The following GRID2 variants were observed in gnomAD, a reference collection of about 807,000 sequenced individuals.
The protein encoded by GRID2 is glutamate ionotropic receptor delta type subunit 2, also known as glutamate receptor ionotropic, delta-2.
GRID2 carries 33 observed loss-of-function variants against 114.8 expected under a neutral mutation model. That is an observed-to-expected ratio of 0.29 (90% confidence interval 0.22 to 0.38). The LOEUF is 0.38. Ranked by LOEUF, GRID2 falls within the 10% of genes least tolerant of loss-of-function variation. GRID2 has a pLI of 1.00. For missense variants in GRID2, 1,184 were observed against 1,257.7 expected (o/e 0.94, Z 0.89); for synonymous variants, 505 against 449.9 (o/e 1.12, Z -1.55).
chr4:92,764,135 T>C (rs1738150249), intron 2 of GRID2, among the ~76,000 whole-genome samples: 1 of 152,172 alleles, frequency 6.6e-6, no homozygotes, highest in Admixed American at 6.5e-5. Flanking sequence ...ACCTTTTCTT[T>C]GAAGACTTTC....
chr4:93,502,810 T>C lies in GRID2; in HGVS notation c.1997+12033T>C, dbSNP rs1401214479. On this transcript the variant is annotated intron_variant, in intron 12 of 15. Transcript: ENST00000282020. Reference sequence around the variant, plus strand: ...GATGCTAAAGAGGGATGATGCTAAATAAGAGCCAGATACCCCAGCTAATAG... The same window carrying C: ...GATGCTAAAGAGGGATGATGCTAAACAAGAGCCAGATACCCCAGCTAATAG... Among the ~76,000 whole-genome samples the C allele has an allele frequency of 2.0e-5, 3 of 149,248 alleles. No individual in the cohort carries two copies. In the East Asian group the frequency reaches 6.2e-4, roughly 31 times the overall value.
At chr4:93,111,743 G>A (rs372173253) in intron 4 of GRID2, among the ~76,000 whole-genome samples, 14 of 111,566 alleles carry the variant, frequency 1.3e-4, no homozygotes, top group African/African-American at 4.3e-4. Context: ...GAATTTATTT[G>A]TTTAATACTT....
At chr4:92,650,168 T>A (rs1389846111) in intron 2 of GRID2, among the ~76,000 whole-genome samples, 2 of 152,032 alleles carry the variant, frequency 1.3e-5, no homozygotes, top group African/African-American at 2.4e-5. Context: ...CCAACATATT[T>A]ATAACAAAAT....
At chr4:92,582,431 C>A (rs971913007) in intron 1 of GRID2, among the ~76,000 whole-genome samples, 1 of 151,688 alleles carries the variant, frequency 6.6e-6, no homozygotes. Context: ...TATCAATTTA[C>A]ATCTTTATAT....
chr4:92,740,492 T>A (rs542006501), intron 2 of GRID2, among the ~76,000 whole-genome samples: 1 of 152,270 alleles, frequency 6.6e-6, no homozygotes, highest in South Asian at 2.1e-4. Context: ...GCCACTTGAG[T>A]AACTGAGTAC....
In GRID2 at chr4:93,443,395, A is replaced by G. The variant is rs1243582270; in HGVS notation, c.1546-12267A>G. 3.9e-5 allele frequency among the ~76,000 whole-genome samples: 6 copies of G among 152,164 alleles called. No individual in the cohort carries two copies. The East Asian group carries it at 1.2e-3, about 30-fold the overall frequency. ...ATCAGAACTCAGAAAAATAAGAGTAAGAATTAAAAAGGACATATGTGCTGA... is the reference window on the plus strand; with the variant it reads ...ATCAGAACTCAGAAAAATAAGAGTAGGAATTAAAAAGGACATATGTGCTGA... On this transcript the variant is annotated intron_variant, in intron 10 of 15. Transcript: ENST00000282020.
chr4:92,626,674 A>G (rs1224330194), intron 2 of GRID2, among the ~76,000 whole-genome samples: 2 of 152,076 alleles, frequency 1.3e-5, no homozygotes, highest in East Asian at 3.9e-4. Context: ...GTATTTTACA[A>G]AAACATATGT....
intron 14 of GRID2, among the ~76,000 whole-genome samples, chr4:93,724,966 A>G (rs1487292324): frequency 6.6e-6 from 1 of 151,922 alleles, no homozygotes; most frequent in Non-Finnish European, 1.5e-5. Flanking sequence ...TTTTTTTAGT[A>G]GAGATGAGTT....
chr4:92,943,727 T>A (rs1027316591), intron 2 of GRID2, among the ~76,000 whole-genome samples: 3 of 152,184 alleles, frequency 2.0e-5, no homozygotes, highest in African/African-American at 7.2e-5. Flanking sequence ...CTTTTGGTCT[T>A]TGATGATGGT....
intron 2 of GRID2, among the ~76,000 whole-genome samples, chr4:92,619,296 C>G (rs1028828776): frequency 1.3e-5 from 2 of 151,646 alleles, no homozygotes; most frequent in African/African-American, 4.8e-5. Flanking sequence ...GTTGGAGAAG[C>G]AATATGTAGG....
At chr4:93,137,779 A>G (rs1053129199) in intron 4 of GRID2, among the ~76,000 whole-genome samples, 1 of 152,132 alleles carries the variant, frequency 6.6e-6, no homozygotes, top group African/African-American at 2.4e-5. Flanking sequence ...TCATGAAATC[A>G]AAACATGTGG....
At chr4:93,385,213 T>C (rs554624543) in intron 8 of GRID2, among the ~76,000 whole-genome samples, 87 of 152,300 alleles carry the variant, frequency 5.7e-4, no homozygotes, top group Middle Eastern at 3.4e-3. Flanking sequence ...AAGTGTCATG[T>C]CGGTCTTAGC....
chr4:93,096,699 G>A (rs978201967), intron 3 of GRID2, among the ~76,000 whole-genome samples: 1 of 151,962 alleles, frequency 6.6e-6, no homozygotes, highest in Non-Finnish European at 1.5e-5. Flanking sequence ...CAATCCAATT[G>A]CACCTCTGAT....
chr4:92,503,923 C>G (rs1313939533), intron 1 of GRID2, among the ~76,000 whole-genome samples: 8 of 151,798 alleles, frequency 5.3e-5, no homozygotes, highest in Non-Finnish European at 1.2e-4. Context: ...GAAGAGTAAA[C>G]CTCTCTCCCC....
rs148295045 is a variant in GRID2 at position 93,294,461 on chromosome 4, A to T, written c.1245+55971A>T. 6.3e-4 allele frequency among the ~76,000 whole-genome samples: 96 copies of T among 151,724 alleles called. 4 individuals carry two copies. The East Asian group carries it at 0.019, about 29-fold the overall frequency. ...GTATGTGTGTATGTGAGAGAGAGAG[A>T]GTGTGTGTGTGTGTACACACACATG... On this transcript the variant is annotated intron_variant, in intron 8 of 15. Coordinates refer to ENST00000282020, the MANE Select transcript of GRID2 (RefSeq NM_001510.4).
At chr4:93,693,906 C>T (rs1215972828) in intron 14 of GRID2, among the ~76,000 whole-genome samples, 1 of 151,990 alleles carries the variant, frequency 6.6e-6, no homozygotes, top group African/African-American at 2.4e-5. Flanking sequence ...CTTTAAGAGA[C>T]AATAAGTCCC....
In GRID2 at chr4:93,110,829, T is replaced by C. The variant is rs1560889856; in HGVS notation, c.611T>C (p.Ile204Thr). 2 of 1,611,570 alleles carry C rather than the reference T, an allele frequency of 1.2e-6. No homozygotes were observed. The highest frequency in any genetic ancestry group is 1.3e-5 in the African/African-American group (1 of 74,956). The change falls in exon 4 of 16, where the codon ATC becomes ACC. Residue 204 changes from isoleucine to threonine, a missense_variant. Physicochemically the swap from Ile to Thr is moderately conservative, Grantham distance 89 (BLOSUM62 -1). Transcript: ENST00000282020. Reference sequence around the variant, plus strand: ...GCACTTCAGAAGGTAGAAAACAACATCAATAAAATGATTACCACTCTCTTT... The same window carrying C: ...GCACTTCAGAAGGTAGAAAACAACACCAATAAAATGATTACCACTCTCTTT... ...DVALQKVENN[I>T]NKMITTLFDT...
At chr4:93,637,442 C>T (rs1243316670) in intron 14 of GRID2, among the ~76,000 whole-genome samples, 1 of 152,138 alleles carries the variant, frequency 6.6e-6, no homozygotes. Flanking sequence ...TATCCTGGCT[C>T]ATATTCCCAC....
At chr4:93,296,601 C>T (rs1382027444) in intron 8 of GRID2, among the ~76,000 whole-genome samples, 1 of 152,188 alleles carries the variant, frequency 6.6e-6, no homozygotes. Flanking sequence ...AAACATCCAA[C>T]AAACAAACAT....
Sources: allele counts gnomAD v4.1 joint callset (sites outside exome capture counted in the v4.1 genomes callset), GRCh38; gene constraint gnomAD v4.1.1; transcripts MANE v1.5; gene names NCBI Gene and HGNC (gene_info 2026-07-23, HGNC 2026-07-21).